HSF5: variants seen among roughly 807,000 people sequenced by gnomAD.
The protein encoded by HSF5 is heat shock factor protein 5.
A neutral mutation model predicts 50.8 loss-of-function variants in HSF5; 5 were observed. The observed-to-expected ratio is 0.10, with a 90% confidence interval of 0.05 to 0.21. The LOEUF (loss-of-function observed/expected upper bound fraction) is 0.21. HSF5 is among the 10% of genes least tolerant of loss of function. HSF5 has a pLI of 1.00. For missense variants in HSF5, 564 were observed against 762.6 expected (o/e 0.74, Z 3.07); for synonymous variants, 307 against 307.4 (o/e 1.00, Z 0.02).
chr17:58,454,374 C>T (rs931382373), intron 5 of HSF5, among the ~76,000 whole-genome samples: 1 of 152,144 alleles, frequency 6.6e-6, no homozygotes, highest in Non-Finnish European at 1.5e-5. Context: ...CCACAGCTAA[C>T]ATTACATTGA....
intron 5 of HSF5, among the ~76,000 whole-genome samples, chr17:58,456,644 T>C (rs116421101): frequency 0.015 from 2,355 of 152,280 alleles, 79 homozygotes; most frequent in African/African-American, 0.054. Context: ...TACATATACA[T>C]GTGTCAAAAA....
intron 5 of HSF5, among the ~76,000 whole-genome samples, chr17:58,441,385 T>C (rs555339097): frequency 6.6e-6 from 1 of 152,168 alleles, no homozygotes; most frequent in African/African-American, 2.4e-5. Context: ...TAAAGGGAAA[T>C]GTATAGTTTT....
At chr17:58,463,535 T>G (rs1974822999) in intron 3 of HSF5, among the ~76,000 whole-genome samples, 1 of 152,240 alleles carries the variant, frequency 6.6e-6, no homozygotes, top group Non-Finnish European at 1.5e-5. Context: ...AATACTCCAA[T>G]GGTCAATAAT....
At chr17:58,424,078 G>A (rs76617251) in intron 5 of HSF5, among the ~76,000 whole-genome samples, 2 of 152,122 alleles carry the variant, frequency 1.3e-5, no homozygotes. Context: ...TACTCATCTG[G>A]TGAACTACAA....
intron 5 of HSF5, among the ~76,000 whole-genome samples, chr17:58,456,912 T>C (rs1333649646): frequency 5.3e-5 from 8 of 151,846 alleles, no homozygotes; most frequent in Non-Finnish European, 2.9e-5. Context: ...TGCTTGAGCC[T>C]AGGAGTGCAA....
intron 5 of HSF5, among the ~76,000 whole-genome samples, chr17:58,439,101 T>C (rs1235892467): frequency 6.6e-6 from 1 of 151,534 alleles, no homozygotes; most frequent in African/African-American, 2.4e-5. Context: ...CGTGCCAGAC[T>C]AGGCAACAGA....
At chr17:58,455,569 A>G (rs771183564) in intron 5 of HSF5, among the ~76,000 whole-genome samples, 2 of 152,340 alleles carry the variant, frequency 1.3e-5, no homozygotes, top group Non-Finnish European at 2.9e-5. Context: ...TTTGCAAACT[A>G]TACATTTGAC....
chr17:58,442,987 C>A (rs145285993), intron 5 of HSF5, among the ~76,000 whole-genome samples: 1,671 of 152,022 alleles, frequency 0.011, 14 homozygotes, highest in Middle Eastern at 0.041. Flanking sequence ...CGGCTCACTG[C>A]AAGCTCTGCC....
At chr17:58,477,384 C>T (rs1328818061) in intron 2 of HSF5, among the ~76,000 whole-genome samples, 5 of 150,990 alleles carry the variant, frequency 3.3e-5, no homozygotes, top group Non-Finnish European at 5.9e-5. Context: ...CCTCCCAAAG[C>T]GCTGGGATTA....
intron 5 of HSF5, among the ~76,000 whole-genome samples, chr17:58,450,338 CAAAAAAAAAAA>C (rs758990551): frequency 9.6e-5 from 5 of 51,938 alleles, no homozygotes; most frequent in African/African-American, 1.8e-4. Flanking sequence ...GACTTTGTCT[CAAAAAAAAAAA>C]AAAAAAAAAA....
chr17:58,452,227 C>T (rs977420577), intron 5 of HSF5, among the ~76,000 whole-genome samples: 2 of 151,562 alleles, frequency 1.3e-5, no homozygotes, highest in Non-Finnish European at 2.9e-5. Flanking sequence ...TACAGCTTCG[C>T]AACACAGTGA....
chr17:58,460,504 C>A (rs1974777513), intron 4 of HSF5, among the ~76,000 whole-genome samples: 2 of 124,798 alleles, frequency 1.6e-5, no homozygotes, highest in African/African-American at 6.1e-5. Flanking sequence ...CACACACACA[C>A]ACACACATAC....
chr17:58,468,911 A>G (rs1346412443), intron 2 of HSF5, among the ~76,000 whole-genome samples: 1 of 152,134 alleles, frequency 6.6e-6, no homozygotes, highest in African/African-American at 2.4e-5. Context: ...ATCATTTCCA[A>G]TACAGGTTAG....
chr17:58,457,743 T>A (rs1974732929), intron 5 of HSF5, among the ~76,000 whole-genome samples: 1 of 152,238 alleles, frequency 6.6e-6, no homozygotes, highest in Non-Finnish European at 1.5e-5. Flanking sequence ...AAATGTTAGT[T>A]CCTGCCTTTC....
chr17:58,441,840 C>T (rs1974501919), intron 5 of HSF5, among the ~76,000 whole-genome samples: 1 of 152,246 alleles, frequency 6.6e-6, no homozygotes, highest in South Asian at 2.1e-4. Context: ...TTGATAAATG[C>T]TGTGAAACAG....
At chr17:58,448,778 T>C (rs956924271) in intron 5 of HSF5, among the ~76,000 whole-genome samples, 2 of 152,204 alleles carry the variant, frequency 1.3e-5, no homozygotes, top group Non-Finnish European at 2.9e-5. Context: ...TTGATAAAAG[T>C]AAGCATACAG....
chr17:58,454,082 G>A (rs1228886973), intron 5 of HSF5, among the ~76,000 whole-genome samples: 1 of 152,044 alleles, frequency 6.6e-6, no homozygotes, highest in East Asian at 1.9e-4. Context: ...GACAGAGTGA[G>A]ACTCTGTCAC....
rs1311563312 is a variant in HSF5, at chr17:58,488,302, C to A, written c.-28G>T. 1.4e-6 allele frequency: 2 copies of A among 1,447,570 alleles called. No homozygotes were observed. The highest frequency in any genetic ancestry group is 2.8e-5 in the Admixed American group (1 of 35,394). 89.7% of individuals were successfully genotyped at this position (1,447,570 alleles called of 1,614,324 possible). ...CCCCGCCGGGCCGGGGCCTCGCCCC[C>A]CGAGCCTAGCTCTCCCACACCGTTC... On this transcript the variant is annotated 5_prime_UTR_variant, in exon 1 of 6. Coordinates refer to ENST00000323777, the MANE Select transcript of HSF5 (RefSeq NM_001080439.3). This position sits in a 1 kb window ranked among gnomAD's most constrained non-coding sequence, Gnocchi z 4.1.
intron 5 of HSF5, among the ~76,000 whole-genome samples, chr17:58,425,590 A>AC (rs1266147422): frequency 3.6e-4 from 54 of 150,700 alleles, no homozygotes; most frequent in African/African-American, 1.3e-3. Context: ...AAAAAAAAAA[A>AC]AAAAAAAAAA....
Sources: gnomAD v4.1 joint callset for allele counts (sites outside exome capture counted in the v4.1 genomes callset) on GRCh38, gnomAD v4.1.1 for gene constraint, Gnocchi (gnomAD v3.1) non-coding constraint, MANE v1.5 for transcripts, NCBI Gene and HGNC (gene_info 2026-07-23, HGNC 2026-07-21) for gene names.